The following TRPM1 variants were observed in gnomAD, a reference collection of about 807,000 sequenced individuals.
TRPM1 encodes the protein TRPM1-203 APA Isoform, Intron 10.
TRPM1 carries 113 observed loss-of-function variants against 149.4 expected under a neutral mutation model. The ratio of observed to expected loss-of-function variants is 0.76; its 90% CI spans 0.65 to 0.88. The LOEUF (loss-of-function observed/expected upper bound fraction) is 0.88. Ranked by LOEUF, TRPM1 falls within the 40% of genes least tolerant of loss-of-function variation. The pLI, the probability that TRPM1 is intolerant of heterozygous loss-of-function variation, is 0.00. For missense variants in TRPM1, 1,976 were observed against 2,038.7 expected, an observed-to-expected ratio of 0.97 and a Z score of 0.59; for synonymous variants, 741 against 759.5, an observed-to-expected ratio of 0.98 and a Z score of 0.40.
chr15:31,002,217 G>C lies in TRPM1; in HGVS notation c.4483C>G (p.Gln1495Glu), dbSNP rs1185385650. The stretch of plus-strand genomic sequence containing the variant: ...TGAGAGCGCGTGATCTTTTGAACTT[G>C]GCATTGCCATTCCGTCGTCAATTGC... ...DQQLTTEWQC[Q>E]VQKITRSHST... Residue 1495 changes from glutamine (Q) to glutamate (E), a missense_variant, in exon 28 of 28, where the codon CAA becomes GAA. Around this residue, in one of 3 missense-constraint regions of TRPM1, gnomAD observed 572 missense variants for 578.9 expected, o/e 0.99. Transcript: ENST00000256552. 2 of 1,614,094 alleles carry C rather than the reference G, an allele frequency of 1.2e-6. No homozygotes were observed. Among genetic ancestry groups the C allele is most frequent in the Non-Finnish European group, 1.7e-6 (2 of 1,180,052 alleles).
intron 24 of TRPM1, among the ~76,000 whole-genome samples, chr15:31,028,772 C>T (rs1291143070): frequency 3.3e-5 from 5 of 151,796 alleles, no homozygotes; most frequent in African/African-American, 9.7e-5. Flanking sequence ...AAAAACAACT[C>T]ACACAAAGAA....
intron 1 of TRPM1, among the ~76,000 whole-genome samples, chr15:31,148,695 T>A (rs1377606571): frequency 1.3e-5 from 2 of 152,198 alleles, no homozygotes; most frequent in Non-Finnish European, 2.9e-5. Context: ...AGAACTCTCC[T>A]GGCCTTGGTG....
At chr15:31,063,028 A>T (rs959628213) in intron 8 of TRPM1, 90 bp downstream of exon 8, 7 of 1,530,620 alleles carry the variant, frequency 4.6e-6, no homozygotes, top group Admixed American at 1.8e-5. Flanking sequence ...ACACGTTTGG[A>T]ATGTCTAAGC....
In TRPM1 at chr15:31,040,718, C is replaced by T. The variant is rs2033587510; in HGVS notation, c.2088-372G>A. 6.6e-6 allele frequency among the ~76,000 whole-genome samples: 1 copy of T among 151,784 alleles called. No individual in the cohort carries two copies. The highest frequency in any genetic ancestry group is 2.4e-5 in the African/African-American group (1 of 41,294). On this transcript the variant is annotated intron_variant, in intron 17 of 27. Coordinates refer to ENST00000256552, the MANE Select transcript of TRPM1 (RefSeq NM_001252024.2). This position sits in a 1 kb window ranked among gnomAD's most constrained non-coding sequence, Gnocchi z 4.2. ...GCAAAAGTGACTTCAAATGCAGCAC[C>T]TGTGGAGTTGGAGGCCACAGTAGCG...
intron 1 of TRPM1, among the ~76,000 whole-genome samples, chr15:31,107,352 A>G (rs759086256): frequency 2.6e-5 from 4 of 152,134 alleles, no homozygotes; most frequent in Non-Finnish European, 4.4e-5. Context: ...CCAGTTATTC[A>G]TGGTATTCCC....
intron 1 of TRPM1, among the ~76,000 whole-genome samples, chr15:31,125,161 G>C (rs1386096243): frequency 6.6e-6 from 1 of 150,976 alleles, no homozygotes; most frequent in Non-Finnish European, 1.5e-5. Context: ...CTGGGTGACA[G>C]AGCGAGACTG....
chr15:31,120,685 A>G (rs2035862407), intron 1 of TRPM1, among the ~76,000 whole-genome samples: 1 of 151,988 alleles, frequency 6.6e-6, no homozygotes, highest in Non-Finnish European at 1.5e-5. Context: ...AAGAATAAAA[A>G]TCACGTGAAG....
Position 31,040,044 on chromosome 15 carries a change from A to G in TRPM1, c.2316+74T>C, listed in dbSNP as rs2033558384. The G allele has an allele frequency of 3.0e-6, 4 of 1,313,418 alleles. No individual in the cohort carries two copies. Among genetic ancestry groups the G allele is most frequent in the Non-Finnish European group, 4.4e-6 (4 of 909,410 alleles). The allele number at this position is 1,313,418 out of a possible 1,614,324, so 81.4% of individuals were successfully genotyped here. A position where few individuals can be genotyped will look rare whatever the true frequency, so the allele number is the denominator to read the frequency against. ...GGAATAAATGAAATAAGCCACAGAA[A>G]GTGCTCAGTTCAGCCTGGCAGAGAG... On this transcript the variant is annotated intron_variant, in intron 18 of 27. Coordinates refer to ENST00000256552, the MANE Select transcript of TRPM1 (RefSeq NM_001252024.2). This position sits in a 1 kb window ranked among gnomAD's most constrained non-coding sequence, Gnocchi z 4.2.
chr15:31,002,991 G>T lies in TRPM1; in HGVS notation c.3709C>A (p.Leu1237Ile). 6.3e-7 allele frequency: 1 copy of T among 1,593,788 alleles called. No individual in the cohort carries two copies. Among genetic ancestry groups the T allele is most frequent in the Non-Finnish European group, 8.5e-7 (1 of 1,172,954 alleles). The change falls in exon 28 of 28, where the codon CTT (leucine) becomes ATT (isoleucine). Residue 1237 changes from leucine (L) to isoleucine (I), a missense_variant. Leu to Ile is a conservative substitution (Grantham distance 5). Transcript: ENST00000256552. ...AATTCTTCTAGCTGAGCAAGTCGAA[G>T]GTCAACAGTCTGCAGGGAAGTTTTC... ...FMKTSLQTVD[L>I]RLAQLEELSN...
chr15:31,109,561 G>A (rs1292438827), intron 1 of TRPM1, among the ~76,000 whole-genome samples: 5 of 150,882 alleles, frequency 3.3e-5, no homozygotes, highest in Non-Finnish European at 5.9e-5. Context: ...TTAGCTGGGC[G>A]TGGTGGTGGG....
intron 1 of TRPM1, among the ~76,000 whole-genome samples, chr15:31,157,205 G>A (rs1456131250): frequency 2.0e-5 from 3 of 152,140 alleles, no homozygotes; most frequent in African/African-American, 7.2e-5. Context: ...GAGCCACCAC[G>A]CCTGGCTAGT....
At chr15:31,071,080 T>C (rs2034524973) in intron 3 of TRPM1, among the ~76,000 whole-genome samples, 1 of 152,244 alleles carries the variant, frequency 6.6e-6, no homozygotes, top group Admixed American at 6.5e-5. Flanking sequence ...TAGTCTTCTC[T>C]GAACATGTTC....
chr15:31,054,114 A>G (rs1226273967), intron 11 of TRPM1, among the ~76,000 whole-genome samples: 2 of 152,200 alleles, frequency 1.3e-5, no homozygotes, highest in Non-Finnish European at 2.9e-5. Flanking sequence ...TGATGGGCAT[A>G]GAGTGTCCAT....
At chr15:31,077,687 A>G (rs1244815605) in intron 2 of TRPM1, among the ~76,000 whole-genome samples, 1 of 152,082 alleles carries the variant, frequency 6.6e-6, no homozygotes, top group African/African-American at 2.4e-5. Flanking sequence ...CTGGATCTCC[A>G]TGAGGCCTGG....
chr15:31,046,309 T>A, intron 15 of TRPM1, 76 bp from the exon 16 acceptor site: 2 of 1,394,156 alleles, frequency 1.4e-6, no homozygotes, highest in Non-Finnish European at 2.0e-6. Flanking sequence ...GCAGTATTGT[T>A]GATAGTGGAC....
chr15:31,154,383 G>T (rs924659570), intron 1 of TRPM1, among the ~76,000 whole-genome samples: 1 of 152,154 alleles, frequency 6.6e-6, no homozygotes, highest in Admixed American at 6.5e-5. Flanking sequence ...AACAGAGGAG[G>T]TTTTCTGGGT....
At chr15:31,038,208 G>T in intron 18 of TRPM1, 42 bp from the exon 19 acceptor site, 1 of 1,610,582 alleles carries the variant, frequency 6.2e-7, no homozygotes, top group Non-Finnish European at 8.5e-7. Context: ...GGCAATTCTA[G>T]AAAAATGTCC....
At chr15:31,087,764 A>T (rs372359851) in intron 1 of TRPM1, among the ~76,000 whole-genome samples, 36 of 152,312 alleles carry the variant, frequency 2.4e-4, no homozygotes, top group Middle Eastern at 3.4e-3. Context: ...TAAGTCAGTC[A>T]CAAAAGGACA....
intron 27 of TRPM1, among the ~76,000 whole-genome samples, chr15:31,021,887 C>G (rs1476749776): frequency 6.6e-6 from 1 of 151,938 alleles, no homozygotes; most frequent in African/African-American, 2.4e-5. Context: ...GAGTTATATC[C>G]TGCATATTGT....
Sources: gnomAD v4.1 joint callset for allele counts (sites outside exome capture counted in the v4.1 genomes callset) on GRCh38, gnomAD v4.1.1 for gene constraint, gnomAD v4.1.1 regional missense constraint, Gnocchi (gnomAD v3.1) non-coding constraint, MANE v1.5 for transcripts, NCBI Gene and HGNC (gene_info 2026-07-23, HGNC 2026-07-21) for gene names.